The following CTNNA2 variants were observed in gnomAD, a reference collection of about 807,000 sequenced individuals.
The protein encoded by CTNNA2 is catenin alpha 2.
Under a neutral mutation model 101.0 loss-of-function variants are expected in CTNNA2, and 42 were observed. The observed-to-expected ratio is 0.42, with a 90% confidence interval of 0.32 to 0.54. The LOEUF is 0.54. CTNNA2 is among the 20% of genes least tolerant of loss of function. The pLI is 0.14. For synonymous variants in CTNNA2, 450 were observed against 456.4 expected, an observed-to-expected ratio of 0.99 and a Z score of 0.18; for missense variants, 871 against 1,223.1, an observed-to-expected ratio of 0.71 and a Z score of 4.29.
intron 7 of CTNNA2, among the ~76,000 whole-genome samples, chr2:79,991,800 C>T (rs989840376): frequency 6.6e-6 from 1 of 152,108 alleles, no homozygotes; most frequent in African/African-American, 2.4e-5. Flanking sequence ...AAATCAACAG[C>T]CTGTGACATG....
At chr2:80,471,946 C>A (rs569809624) in intron 9 of CTNNA2, among the ~76,000 whole-genome samples, 1 of 151,816 alleles carries the variant, frequency 6.6e-6, no homozygotes, top group Admixed American at 6.6e-5. Context: ...GCCAATGTGG[C>A]GAAACCCCAT....
intron 7 of CTNNA2, among the ~76,000 whole-genome samples, chr2:80,357,960 A>G (rs79039834): frequency 6.6e-6 from 1 of 152,046 alleles, no homozygotes; most frequent in African/African-American, 2.4e-5. Context: ...TGCATGTGAC[A>G]CTCAAAGCTA....
chr2:80,610,712 C>A (rs1371870955), intron 17 of CTNNA2, among the ~76,000 whole-genome samples: 1 of 151,692 alleles, frequency 6.6e-6, no homozygotes, highest in Non-Finnish European at 1.5e-5. Flanking sequence ...CTTATGCTGG[C>A]ATGATGAACA....
intron 3 of CTNNA2, among the ~76,000 whole-genome samples, chr2:79,792,512 G>C (rs1463936018): frequency 3.9e-5 from 6 of 152,126 alleles, no homozygotes; most frequent in African/African-American, 1.2e-4. Flanking sequence ...ATGAAGGAAG[G>C]CCTTGTGTCT....
chr2:79,944,737 C>G (rs915097707), intron 7 of CTNNA2, among the ~76,000 whole-genome samples: 2 of 152,146 alleles, frequency 1.3e-5, no homozygotes, highest in Admixed American at 1.3e-4. Flanking sequence ...TGAAACACTT[C>G]AAATTATATT....
At chr2:79,363,774 C>G (rs565697929) in intron 3 of CTNNA2, among the ~76,000 whole-genome samples, 1 of 152,172 alleles carries the variant, frequency 6.6e-6, no homozygotes, top group South Asian at 2.1e-4. Flanking sequence ...ATTACAGGCC[C>G]GAGGAGCAAA....
chr2:79,299,068 C>G (rs1479753665), intron 2 of CTNNA2, among the ~76,000 whole-genome samples: 1 of 152,156 alleles, frequency 6.6e-6, no homozygotes, highest in Admixed American at 6.5e-5. Context: ...AGATAAACTT[C>G]ATTAAATGGG....
At chr2:79,982,232 A>ATATATATATATG (rs1691357029) in intron 7 of CTNNA2, among the ~76,000 whole-genome samples, 2 of 97,598 alleles carry the variant, frequency 2.0e-5, no homozygotes, top group African/African-American at 9.1e-5. Context: ...ATATATATAT[A>ATATATATATATG]TATATATATG....
chr2:80,104,135 G>C lies in CTNNA2; in HGVS notation c.1056+194338G>C, dbSNP rs1265664937. Among the ~76,000 whole-genome samples, 5 of 152,248 alleles carry C rather than the reference G, an allele frequency of 3.3e-5. No individual in the cohort carries two copies. In the East Asian group the frequency reaches 7.7e-4, roughly 24 times the overall value. ...GATTGCCAATCTCTCAGGCATGTTG[G>C]GGGGATTGCCTTCAATAACATATGC... On this transcript the variant is annotated intron_variant, in intron 7 of 18. Coordinates refer to ENST00000402739, the MANE Select transcript of CTNNA2 (RefSeq NM_001282597.3).
At chr2:80,557,394 A>G (rs146685052) in intron 12 of CTNNA2, among the ~76,000 whole-genome samples, 2 of 152,232 alleles carry the variant, frequency 1.3e-5, no homozygotes, top group African/African-American at 4.8e-5. Context: ...TTCATTAGTA[A>G]CCTTTAGGGA....
At chr2:79,907,838 C>G (rs1350846144) in intron 6 of CTNNA2, among the ~76,000 whole-genome samples, 3 of 152,216 alleles carry the variant, frequency 2.0e-5, no homozygotes, top group African/African-American at 7.2e-5. Context: ...ATCCAAGATT[C>G]CAGTGGACTT....
At chr2:79,324,792 T>C (rs749504671) in intron 3 of CTNNA2, among the ~76,000 whole-genome samples, 17 of 152,108 alleles carry the variant, frequency 1.1e-4, no homozygotes, top group Non-Finnish European at 2.1e-4. Flanking sequence ...CAGGAAATAA[T>C]CTTGAATGGT....
chr2:79,433,607 C>A, intron 4 of CTNNA2, among the ~76,000 whole-genome samples: 2 of 134,412 alleles, frequency 1.5e-5, no homozygotes, highest in South Asian at 2.5e-4. Context: ...AAGATGAGCT[C>A]ACTGTATGCC....
chr2:79,827,439 C>T (rs188995132), intron 3 of CTNNA2, among the ~76,000 whole-genome samples: 91 of 152,240 alleles, frequency 6.0e-4, no homozygotes, highest in Admixed American at 4.3e-3. Flanking sequence ...ATCCACAAGG[C>T]GTCATCCAGA....
chr2:80,146,849 C>T lies in CTNNA2; in HGVS notation c.1056+237052C>T, dbSNP rs1156800154. Among the ~76,000 whole-genome samples, 7 of 149,552 alleles carry T rather than the reference C, an allele frequency of 4.7e-5. No individual in the cohort carries two copies. In the East Asian group the frequency reaches 5.9e-4, roughly 13 times the overall value. On this transcript the variant is annotated intron_variant, in intron 7 of 18. Coordinates refer to ENST00000402739, the MANE Select transcript of CTNNA2 (RefSeq NM_001282597.3). Reference sequence around the variant, plus strand: ...AAGTGATTCTCCTGCCTCAGCCTCCCGAGTAACTGGGATTACAGGTTCCCA... The same window carrying T: ...AAGTGATTCTCCTGCCTCAGCCTCCTGAGTAACTGGGATTACAGGTTCCCA...
intron 2 of CTNNA2, among the ~76,000 whole-genome samples, chr2:79,303,257 C>A (rs898543429): frequency 2.0e-5 from 3 of 152,176 alleles, no homozygotes; most frequent in African/African-American, 7.2e-5. Flanking sequence ...TGAAGTGGGG[C>A]CTTGTGAATG....
chr2:80,603,903 A>C (rs1558635632), intron 15 of CTNNA2, 171 bp from the exon 16 acceptor site: 1 of 522,544 alleles, frequency 1.9e-6, no homozygotes, highest in Non-Finnish European at 3.4e-6. Flanking sequence ...TATTTCCAAA[A>C]ACGACTACTA....
At chr2:80,345,267 C>T (rs1463597953) in intron 7 of CTNNA2, among the ~76,000 whole-genome samples, 1 of 152,222 alleles carries the variant, frequency 6.6e-6, no homozygotes, top group Admixed American at 6.5e-5. Flanking sequence ...GCTCCTGGCA[C>T]ACTAGCCCCA....
At chr2:79,889,591 A>G (rs967491127) in intron 6 of CTNNA2, among the ~76,000 whole-genome samples, 2 of 152,182 alleles carry the variant, frequency 1.3e-5, no homozygotes, top group African/African-American at 4.8e-5. Context: ...TTCTTCATCT[A>G]TAAAATGAGA....
Sources: gnomAD v4.1 joint callset for allele counts (sites outside exome capture counted in the v4.1 genomes callset) on GRCh38, gnomAD v4.1.1 for gene constraint, MANE v1.5 for transcripts, NCBI Gene and HGNC (gene_info 2026-07-23, HGNC 2026-07-21) for gene names.